Variants in SLC67A1 observed in about 807,000 individuals in gnomAD.
SLC67A1 encodes the protein solute carrier family 67 member A1.
the SLC67A1 span, chr11:2,917,891 CG>C: frequency 1.1e-6 from 1 of 874,560 alleles, no homozygotes; most frequent in Admixed American, 2.8e-5. Context: ...CCCTGGCGGG[CG>C]CAACAGGGCC....
chr11:2,900,336 C>T, the SLC67A1 span, among the ~76,000 whole-genome samples: 3,393 of 152,206 alleles, frequency 0.022, 112 homozygotes, highest in African/African-American at 0.077. Context: ...GGACAAAAGG[C>T]ATTTGGTCCC....
At chr11:2,909,370 G>A in the SLC67A1 span, 18 of 1,504,512 alleles carry the variant, frequency 1.2e-5, no homozygotes, top group Non-Finnish European at 1.6e-5. Flanking sequence ...GGGCCGGGGG[G>A]ACTGGAGTCC....
chr11:2,914,940 G>A, the SLC67A1 span: 2 of 985,442 alleles, frequency 2.0e-6, no homozygotes, highest in African/African-American at 1.7e-5. Flanking sequence ...CCCGAGCCCA[G>A]CCGTTCCCCT....
chr11:2,921,230 C>CAAAAAAAA, the SLC67A1 span: 1 of 112,886 alleles, frequency 8.9e-6, no homozygotes, highest in South Asian at 3.0e-4. Context: ...GACGCCATCT[C>CAAAAAAAA]AAAAAAAAAA....
At chr11:2,912,605 G>A in the SLC67A1 span, among the ~76,000 whole-genome samples, 2 of 152,110 alleles carry the variant, frequency 1.3e-5, no homozygotes, top group Admixed American at 6.5e-5. Flanking sequence ...GTGGGAGGAG[G>A]AAGTGGACTT....
the SLC67A1 span, chr11:2,903,388 G>A: frequency 4.3e-6 from 7 of 1,613,054 alleles, no homozygotes; most frequent in Middle Eastern, 1.7e-4. Context: ...CCGGTCCCCC[G>A]GCAGGATGAG....
the SLC67A1 span, chr11:2,916,942 G>A: frequency 9.1e-6 from 5 of 548,286 alleles, no homozygotes; most frequent in African/African-American, 9.7e-5. Context: ...GTGGAAGTGG[G>A]GCTCCGGCAG....
chr11:2,909,824 GC>G, the SLC67A1 span: 1 of 1,171,444 alleles, frequency 8.5e-7, no homozygotes, highest in Non-Finnish European at 1.1e-6. Flanking sequence ...GGCGCGAGTG[GC>G]CACGTGATGT....
chr11:2,923,192 C>T, the SLC67A1 span, among the ~76,000 whole-genome samples: 1 of 152,200 alleles, frequency 6.6e-6, no homozygotes, highest in Non-Finnish European at 1.5e-5. This position sits in a 1 kb window ranked among gnomAD's most constrained non-coding sequence, Gnocchi z 6.5. Flanking sequence ...CAGGGGGCTC[C>T]TGTGGGCTGG....
the SLC67A1 span, among the ~76,000 whole-genome samples, chr11:2,913,319 C>A: frequency 1.3e-5 from 2 of 152,162 alleles, no homozygotes; most frequent in Admixed American, 1.3e-4. Flanking sequence ...GTTCTGGCCC[C>A]GCTGTCCCTC....
chr11:2,902,768 A>G, the SLC67A1 span: 1 of 983,858 alleles, frequency 1.0e-6, no homozygotes, highest in Non-Finnish European at 1.2e-6. Flanking sequence ...TGTCTCCCCT[A>G]CGCAAGACCA....
the SLC67A1 span, chr11:2,922,373 C>A: frequency 6.3e-7 from 1 of 1,585,140 alleles, no homozygotes; most frequent in Non-Finnish European, 8.6e-7. Flanking sequence ...ACAGGTAAGA[C>A]CCCAGAGAGG....
the SLC67A1 span, chr11:2,918,153 C>A: frequency 7.3e-7 from 1 of 1,376,792 alleles, no homozygotes; most frequent in Non-Finnish European, 1.0e-6. Context: ...CCAGCTGCGG[C>A]CAGGGCCCGG....
the SLC67A1 span, among the ~76,000 whole-genome samples, chr11:2,901,217 A>G: frequency 3.9e-5 from 6 of 152,312 alleles, no homozygotes; most frequent in South Asian, 1.0e-3. Flanking sequence ...GATGCCCAAC[A>G]TATCTGAGCT....
the SLC67A1 span, chr11:2,908,145 C>T: frequency 1.1e-6 from 1 of 878,488 alleles, no homozygotes; most frequent in Non-Finnish European, 1.9e-6. Flanking sequence ...CCTCGGTCCC[C>T]TCCCACCCCC....
At chr11:2,915,249 G>A in the SLC67A1 span, 49 of 984,984 alleles carry the variant, frequency 5.0e-5, no homozygotes, top group Admixed American at 1.8e-4. Flanking sequence ...TCTGGCAAAC[G>A]GATGCAGGTA....
chr11:2,922,145 C>T, the SLC67A1 span: 43 of 1,613,570 alleles, frequency 2.7e-5, no homozygotes, highest in Admixed American at 3.2e-4. Context: ...AGCCACTTCT[C>T]GGAGGAGGTG....
the SLC67A1 span, chr11:2,909,694 CTGGT>C: frequency 6.5e-7 from 1 of 1,539,510 alleles, no homozygotes; most frequent in East Asian, 2.5e-5. Context: ...GGGCGGGACC[CTGGT>C]CTCCGCGTAC....
At chr11:2,914,153 C>G in the SLC67A1 span, among the ~76,000 whole-genome samples, 1 of 152,220 alleles carries the variant, frequency 6.6e-6, no homozygotes, top group Non-Finnish European at 1.5e-5. Context: ...TCAACAGCAT[C>G]CAGACAGACA....
Sources: gnomAD v4.1 joint callset for allele counts (sites outside exome capture counted in the v4.1 genomes callset) on GRCh38, gnomAD v4.1.1 for gene constraint, Gnocchi (gnomAD v3.1) non-coding constraint, MANE v1.5 for transcripts, NCBI Gene and HGNC (gene_info 2026-07-23, HGNC 2026-07-21) for gene names.